Variants in PPP2R2B observed in about 807,000 individuals in gnomAD.
PPP2R2B encodes protein phosphatase 2 regulatory subunit Bbeta, also known as serine/threonine-protein phosphatase 2A 55 kDa regulatory subunit B beta isoform.
A neutral mutation model predicts 46.0 loss-of-function variants in PPP2R2B; 5 were observed. That is an observed-to-expected ratio of 0.11 (90% CI 0.06 to 0.23). PPP2R2B has a LOEUF of 0.23. Among genes scored for constraint, PPP2R2B ranks in the 10% least tolerant of loss-of-function variants. The pLI, the probability that PPP2R2B is intolerant of heterozygous loss-of-function variation, is 1.00. For synonymous variants in PPP2R2B, 215 were observed against 206.7 expected, an observed-to-expected ratio of 1.04 and a Z score of -0.34; for missense variants, 367 against 575.0, an observed-to-expected ratio of 0.64 and a Z score of 3.70.
At chr5:146,892,784 T>G (rs1015753026) in intron 1 of PPP2R2B, among the ~76,000 whole-genome samples, 6 of 152,234 alleles carry the variant, frequency 3.9e-5, no homozygotes, top group African/African-American at 1.4e-4. Context: ...CATGTAAAAC[T>G]TCTGAGAAAT....
intron 2 of PPP2R2B, among the ~76,000 whole-genome samples, chr5:146,748,443 C>T (rs1383183176): frequency 6.6e-6 from 1 of 152,184 alleles, no homozygotes; most frequent in African/African-American, 2.4e-5. Flanking sequence ...ATTTCCATCA[C>T]TATAAAAATC....
At chr5:146,683,840 G>A (rs2151141154) in intron 5 of PPP2R2B, among the ~76,000 whole-genome samples, 1 of 152,294 alleles carries the variant, frequency 6.6e-6, no homozygotes. Flanking sequence ...AATCAATAAT[G>A]ATAACAGAAA....
At chr5:146,886,618 T>TA (rs1050111971) in intron 1 of PPP2R2B, among the ~76,000 whole-genome samples, 1 of 151,956 alleles carries the variant, frequency 6.6e-6, no homozygotes, top group Admixed American at 6.5e-5. Context: ...GTGACAAAGA[T>TA]AGATGTTCAT....
At chr5:147,071,832 G>T (rs1757610252) in intron 2 of PPP2R2B, among the ~76,000 whole-genome samples, 1 of 152,144 alleles carries the variant, frequency 6.6e-6, no homozygotes. Flanking sequence ...AATCTCCAGT[G>T]CCTAGAATGC....
chr5:146,885,085 A>AT (rs1287112994), intron 1 of PPP2R2B, among the ~76,000 whole-genome samples: 4 of 152,204 alleles, frequency 2.6e-5, no homozygotes, highest in African/African-American at 9.7e-5. Flanking sequence ...ATGGCAAATT[A>AT]TTGATTCATT....
intron 1 of PPP2R2B, among the ~76,000 whole-genome samples, chr5:146,975,603 A>G (rs1752863303): frequency 1.3e-5 from 2 of 152,212 alleles, no homozygotes; most frequent in Admixed American, 6.5e-5. Flanking sequence ...TAGTGGTTTC[A>G]CCACTACAGT....
intron 2 of PPP2R2B, among the ~76,000 whole-genome samples, chr5:147,075,718 T>G (rs1757742013): frequency 6.6e-6 from 1 of 152,080 alleles, no homozygotes; most frequent in Admixed American, 6.6e-5. Flanking sequence ...CTATCTTAAT[T>G]CCTTAGTTTA....
intron 2 of PPP2R2B, among the ~76,000 whole-genome samples, chr5:147,069,785 G>GGTTTTTTTTT (rs1757521827): frequency 1.5e-5 from 1 of 64,790 alleles, no homozygotes; most frequent in African/African-American, 7.5e-5. Context: ...ATTTTATACT[G>GGTTTTTTTTT]TTTTTTTTTT....
upstream of PPP2R2B, among the ~76,000 whole-genome samples, chr5:146,881,784 C>A (rs1476515926): frequency 1.3e-5 from 2 of 152,074 alleles, no homozygotes; most frequent in African/African-American, 4.8e-5. Context: ...ACAAACATTT[C>A]TTAAACAAAT....
chr5:146,967,447 A>C lies in PPP2R2B; in HGVS notation c.79+88218T>G, dbSNP rs528741123. 4.7e-4 allele frequency among the ~76,000 whole-genome samples: 71 copies of C among 152,266 alleles called. 2 individuals are homozygous for C. Among genetic ancestry groups the C allele is most frequent in the African/African-American group, 1.7e-3 (69 of 41,540 alleles). On this transcript the variant is annotated intron_variant, in intron 1 of 8. Coordinates refer to the PPP2R2B transcript ENST00000336640. ...AATAGGTTCCATTGATATTATTCCT[A>C]TTTTATAAATGAGGACACTGAGGGA... is the stretch of plus-strand genomic sequence containing the variant.
chr5:147,040,746 G>A (rs1266433530), intron 1 of PPP2R2B: 6 of 450,648 alleles, frequency 1.3e-5, no homozygotes, highest in Non-Finnish European at 2.7e-5. Context: ...TAATAACAGC[G>A]AAGTCTTTTC....
intron 5 of PPP2R2B, among the ~76,000 whole-genome samples, chr5:146,682,157 G>C (rs1052566622): frequency 2.0e-5 from 3 of 152,146 alleles, no homozygotes; most frequent in African/African-American, 7.2e-5. Flanking sequence ...GCATAACAAA[G>C]GTACCTTTGG....
At chr5:146,707,397 C>A (rs1561847747) in intron 2 of PPP2R2B, 8 of 784,174 alleles carry the variant, frequency 1.0e-5, no homozygotes, top group African/African-American at 1.7e-5. Flanking sequence ...GGGGGTTCAG[C>A]AGGCTCTGGT....
At chr5:146,809,440 A>C (rs1215201943) in intron 2 of PPP2R2B, among the ~76,000 whole-genome samples, 1 of 152,132 alleles carries the variant, frequency 6.6e-6, no homozygotes, top group Non-Finnish European at 1.5e-5. Flanking sequence ...TTAATCTAGT[A>C]AGCACCCAAA....
chr5:146,826,947 G>A (rs1758618914), intron 2 of PPP2R2B, among the ~76,000 whole-genome samples: 1 of 152,114 alleles, frequency 6.6e-6, no homozygotes, highest in Non-Finnish European at 1.5e-5. Context: ...TATACCTTAT[G>A]TTTTCAACCT....
intron 2 of PPP2R2B, among the ~76,000 whole-genome samples, chr5:146,792,729 G>A (rs1756280247): frequency 6.6e-6 from 1 of 152,180 alleles, no homozygotes; most frequent in Admixed American, 6.5e-5. Context: ...CCAGGTAGAA[G>A]AAACTGCCAA....
chr5:146,854,154 C>G (rs1760509355), intron 2 of PPP2R2B, among the ~76,000 whole-genome samples: 1 of 152,000 alleles, frequency 6.6e-6, no homozygotes, highest in African/African-American at 2.4e-5. Context: ...CTCTTCATTC[C>G]CAATCTGCTG....
At chr5:146,959,018 G>C (rs1308520949) in intron 1 of PPP2R2B, among the ~76,000 whole-genome samples, 1 of 152,038 alleles carries the variant, frequency 6.6e-6, no homozygotes, top group Non-Finnish European at 1.5e-5. Flanking sequence ...TTCACATTTG[G>C]TTCTTACATA....
intron 2 of PPP2R2B, among the ~76,000 whole-genome samples, chr5:146,781,131 G>GATATATATATATAT (rs56697862): frequency 0.011 from 555 of 49,312 alleles, 38 homozygotes; most frequent in Non-Finnish European, 0.015. Context: ...ATGCCACCAT[G>GATATATATATATAT]ATATATATAT....
Sources: gnomAD v4.1 joint callset for allele counts (sites outside exome capture counted in the v4.1 genomes callset) on GRCh38, gnomAD v4.1.1 for gene constraint, MANE v1.5 for transcripts, NCBI Gene and HGNC (gene_info 2026-07-23, HGNC 2026-07-21) for gene names.